Variants in PTPN11 observed in about 807,000 individuals in gnomAD.
PTPN11 encodes the protein tyrosine-protein phosphatase non-receptor type 11.
Under a neutral mutation model 78.8 loss-of-function variants are expected in PTPN11, and 6 were observed. The ratio of observed to expected loss-of-function variants is 0.08; its 90% CI spans 0.04 to 0.15. The LOEUF (loss-of-function observed/expected upper bound fraction) is 0.15. PTPN11 is among the 10% of genes least tolerant of loss of function. The pLI, the probability that PTPN11 is intolerant of heterozygous loss-of-function variation, is 1.00. For missense variants in PTPN11, 386 were observed against 744.8 expected (o/e 0.52, Z 5.61); for synonymous variants, 221 against 263.5 (o/e 0.84, Z 1.56).
At chr12:112,420,828 G>C (rs1382568760) in intron 1 of PTPN11, among the ~76,000 whole-genome samples, 2 of 152,196 alleles carry the variant, frequency 1.3e-5, no homozygotes, top group African/African-American at 4.8e-5. Context: ...CATTTCAACA[G>C]AACAGTGTAT....
intron 1 of PTPN11, among the ~76,000 whole-genome samples, chr12:112,442,744 G>A (rs372393614): frequency 6.8e-6 from 1 of 147,552 alleles, no homozygotes; most frequent in African/African-American, 2.5e-5. Context: ...GAACCACCGC[G>A]CCTGGCCATG....
chr12:112,443,653 C>CTTT (rs150851094), intron 1 of PTPN11, among the ~76,000 whole-genome samples: 1 of 131,756 alleles, frequency 7.6e-6, no homozygotes. Flanking sequence ...TGTGCCCGGT[C>CTTT]TTTTTTTTTT....
intron 6 of PTPN11, among the ~76,000 whole-genome samples, chr12:112,459,372 C>T (rs1414625858): frequency 6.6e-6 from 1 of 151,968 alleles, no homozygotes; most frequent in East Asian, 1.9e-4. Flanking sequence ...GATAATATGG[C>T]CAATCTTTTT....
At chr12:112,493,220 G>C (rs190620584) in intron 13 of PTPN11, among the ~76,000 whole-genome samples, 1 of 151,814 alleles carries the variant, frequency 6.6e-6, no homozygotes, top group Non-Finnish European at 1.5e-5. Flanking sequence ...CATCACACCC[G>C]GCTAATTTTT....
rs9669703 is a variant in PTPN11 at position 112,472,572 on chromosome 12, C to T, written c.757-372C>T. ...TTTTTGAGACGGAGTCTCGCTCTTT[C>T]GCCCAGGCTGGAGTGCAGTGGCACA... On this transcript the variant is annotated intron_variant, in intron 6 of 15. Transcript: ENST00000351677. Among the ~76,000 whole-genome samples the T allele has an allele frequency of 6.3e-3, 939 of 147,892 alleles. 11 individuals are homozygous for T. Among genetic ancestry groups the T allele is most frequent in the African/African-American group, 0.022 (878 of 39,958 alleles).
intron 9 of PTPN11, among the ~76,000 whole-genome samples, chr12:112,478,531 C>T (rs1310749912): frequency 3.9e-5 from 6 of 152,078 alleles, no homozygotes; most frequent in Admixed American, 3.3e-4. Flanking sequence ...TTTTTCTCCC[C>T]GTGTTTCATT....
chr12:112,450,366 CTATGACCTGTA>C lies in PTPN11; in HGVS notation c.188_198del (p.Tyr63TrpfsTer10). On this transcript the variant is annotated frameshift_variant, in exon 3 of 16. Transcript: ENST00000351677. LOFTEE classifies it high-confidence loss of function. ...TCAAGATTCAGAACACTGGTGATTA[CTATGACCTGTA>C]TGGAGGGGAGAAATTTGCCACTTTG... 1 of 1,613,214 alleles carries C rather than the reference CTATGACCTGTA, an allele frequency of 6.2e-7. No individual in the cohort carries two copies. The highest frequency in any genetic ancestry group is 8.5e-7 in the Non-Finnish European group (1 of 1,179,222).
intron 9 of PTPN11, among the ~76,000 whole-genome samples, chr12:112,480,205 A>C (rs943158306): frequency 6.6e-6 from 1 of 152,170 alleles, no homozygotes; most frequent in Non-Finnish European, 1.5e-5. Flanking sequence ...AGCAGTCCTC[A>C]GTCTTGATTG....
At chr12:112,480,356 C>A (rs991574581) in intron 9 of PTPN11, among the ~76,000 whole-genome samples, 1 of 151,072 alleles carries the variant, frequency 6.6e-6, no homozygotes, top group African/African-American at 2.4e-5. Context: ...AAATAAAAGA[C>A]CACATCGTTC....
chr12:112,443,031 C>A (rs1480074250), intron 1 of PTPN11, among the ~76,000 whole-genome samples: 1 of 150,332 alleles, frequency 6.7e-6, no homozygotes, highest in African/African-American at 2.4e-5. Flanking sequence ...GGGTAAGTTG[C>A]AGACATGGCG....
Position 112,504,592 on chromosome 12 carries a change from T to A in PTPN11, c.1713-103T>A. 1 of 852,912 alleles carries A rather than the reference T, an allele frequency of 1.2e-6. No homozygotes were observed. The allele number at this position is 852,912 out of a possible 1,614,324, so 52.8% of individuals were successfully genotyped here. A position where few individuals can be genotyped will look rare whatever the true frequency, so the allele number is the denominator to read the frequency against. On this transcript the variant is annotated intron_variant, in intron 14 of 15. Transcript: ENST00000351677. This position sits in a 1 kb window ranked among gnomAD's most constrained non-coding sequence, Gnocchi z 4.7. ...GCACAGGAACTGTGTCTGTACCATA[T>A]CTGGTGCCCAAAGAATGTAGTATGT...
chr12:112,494,255 AT>A (rs1555270909), intron 13 of PTPN11, among the ~76,000 whole-genome samples: 1 of 152,112 alleles, frequency 6.6e-6, no homozygotes, highest in Non-Finnish European at 1.5e-5. Flanking sequence ...CCACTTGTTT[AT>A]TTTTATTTTG....
At chr12:112,476,812 C>G (rs2038512156) in intron 7 of PTPN11, among the ~76,000 whole-genome samples, 1 of 151,948 alleles carries the variant, frequency 6.6e-6, no homozygotes, top group Non-Finnish European at 1.5e-5. Flanking sequence ...AACAAAAACC[C>G]CTCTTTATTA....
intron 6 of PTPN11, among the ~76,000 whole-genome samples, chr12:112,466,375 C>G (rs2038325849): frequency 6.6e-6 from 1 of 152,036 alleles, no homozygotes; most frequent in African/African-American, 2.4e-5. Flanking sequence ...CAGGCCAGTA[C>G]AATTGGAATG....
intron 4 of PTPN11, among the ~76,000 whole-genome samples, chr12:112,454,292 G>T (rs977820857): frequency 4.6e-5 from 7 of 152,052 alleles, no homozygotes; most frequent in African/African-American, 1.7e-4. Flanking sequence ...GCTAATTTTT[G>T]TATTTTTAGT....
chr12:112,503,745 C>T (rs527328655), intron 14 of PTPN11, among the ~76,000 whole-genome samples: 1 of 152,304 alleles, frequency 6.6e-6, no homozygotes, highest in African/African-American at 2.4e-5. Context: ...GACAGACAGC[C>T]TGTCTGCCTT....
intron 13 of PTPN11, among the ~76,000 whole-genome samples, chr12:112,494,040 G>A (rs751837213): frequency 2.0e-5 from 3 of 152,128 alleles, no homozygotes; most frequent in Non-Finnish European, 4.4e-5. Flanking sequence ...ATCACTTGAG[G>A]TCAGGAGTTC....
chr12:112,461,655 A>G (rs995683816), intron 6 of PTPN11, among the ~76,000 whole-genome samples: 6 of 151,770 alleles, frequency 4.0e-5, no homozygotes, highest in African/African-American at 1.4e-4. Flanking sequence ...TTTAGTAGAG[A>G]TGTGGTCGTA....
At chr12:112,470,868 T>C (rs556257906) in intron 6 of PTPN11, among the ~76,000 whole-genome samples, 3 of 152,336 alleles carry the variant, frequency 2.0e-5, no homozygotes, top group South Asian at 4.1e-4. Flanking sequence ...ATAACCTGTC[T>C]AAACATCAAG....
Sources: allele counts gnomAD v4.1 joint callset (sites outside exome capture counted in the v4.1 genomes callset), GRCh38; gene constraint gnomAD v4.1.1; non-coding constraint Gnocchi (gnomAD v3.1); transcripts MANE v1.5; gene names NCBI Gene and HGNC (gene_info 2026-07-23, HGNC 2026-07-21).